Variants in DIPK1A observed in about 807,000 individuals in gnomAD.
The protein encoded by DIPK1A is divergent protein kinase domain 1A, also known as family with sequence similarity 69 member A.
In DIPK1A, 27 loss-of-function variants were observed where a neutral mutation model predicts 40.8. That is an observed-to-expected ratio of 0.66 (90% CI 0.49 to 0.91). DIPK1A has a LOEUF of 0.91. Ranked by LOEUF, DIPK1A falls within the 40% of genes least tolerant of loss-of-function variation. DIPK1A has a pLI of 0.00. For missense variants in DIPK1A, 412 were observed against 505.7 expected (o/e 0.81, Z 1.78); for synonymous variants, 166 against 171.3 (o/e 0.97, Z 0.24).
At position 92,843,283 on chromosome 1, in the gene DIPK1A, T is replaced by C. The variant is rs1040978846; in HGVS notation, c.*100A>G. 24 of 1,453,328 alleles carry C rather than the reference T, an allele frequency of 1.7e-5. No individual in the cohort carries two copies. In the Middle Eastern group the frequency reaches 7.6e-4, roughly 46 times the overall value. The allele number at this position is 1,453,328 out of a possible 1,614,324, so 90.0% of individuals were successfully genotyped here. On this transcript the variant is annotated 3_prime_UTR_variant, in exon 5 of 5. Transcript: ENST00000370310. ...TTCTCAGGCCTGGGGGGAAGGAGTT[T>C]TGTGTAACTGGCCGGAATTTGAAGC... is the stretch of plus-strand genomic sequence containing the variant.
chr1:92,938,248 T>C (rs1055838153), intron 1 of DIPK1A, among the ~76,000 whole-genome samples: 2 of 151,820 alleles, frequency 1.3e-5, no homozygotes, highest in African/African-American at 4.8e-5. Context: ...CCAGAAGAAT[T>C]AGCCAGGCAT....
chr1:92,846,846 T>TATATATATATATATATATACACACAC, intron 4 of DIPK1A, among the ~76,000 whole-genome samples: 20 of 1,282 alleles, frequency 0.016, 6 homozygotes, highest in African/African-American at 0.11. Flanking sequence ...TATATATGTG[T>TATATATATATATATATATACACACAC]GTATATATAT....
At position 92,843,652 on chromosome 1, in the gene DIPK1A, C is replaced by A. The variant is rs1687468745; in HGVS notation, c.1018G>T (p.Gly340Cys). ...TCACAGCTAGTTCTACAATCTGTGC[C>A]ATAGACACAGTCCAAATCAGACTCA... The part of the protein sequence containing the change: ...HCESDLDCVY[G>C]TDCRTSCDQS... The change falls in exon 5 of 5, where the codon GGC becomes TGC. Residue 340 changes from glycine to cysteine, a missense_variant. Gly to Cys is a radical substitution (Grantham distance 159, BLOSUM62 -3). Coordinates refer to ENST00000370310, the MANE Select transcript of DIPK1A (RefSeq NM_001006605.5). The A allele has an allele frequency of 6.4e-7, 1 of 1,551,706 alleles. No individual in the cohort carries two copies. Among genetic ancestry groups the A allele is most frequent in the Non-Finnish European group, 8.7e-7 (1 of 1,146,992 alleles).
intron 1 of DIPK1A, among the ~76,000 whole-genome samples, chr1:92,949,357 C>T (rs961325235): frequency 1.3e-5 from 2 of 152,056 alleles, no homozygotes; most frequent in Admixed American, 6.5e-5. Flanking sequence ...TCACTGCAAC[C>T]TCCACCTCCC....
chr1:92,862,954 C>T lies in DIPK1A; in HGVS notation c.190-11999G>A, dbSNP rs535596276. ...CTGGGACCTTCTTCATTAGGGTTGC[C>T]GAGCAAAATACTGCTTAGGATACAC... On this transcript the variant is annotated intron_variant, in intron 2 of 4. Coordinates refer to ENST00000370310, the MANE Select transcript of DIPK1A (RefSeq NM_001006605.5). Among the ~76,000 whole-genome samples, 51 of 152,120 alleles carry T rather than the reference C, an allele frequency of 3.4e-4. 1 individual carries two copies. In the South Asian group the frequency reaches 4.4e-3, roughly 13 times the overall value.
chr1:92,875,306 A>G (rs1648066772), intron 2 of DIPK1A, among the ~76,000 whole-genome samples: 1 of 152,144 alleles, frequency 6.6e-6, no homozygotes, highest in Non-Finnish European at 1.5e-5. Flanking sequence ...CTGGGTAAAG[A>G]GTAGCTACTC....
intron 1 of DIPK1A, among the ~76,000 whole-genome samples, chr1:92,900,408 A>G (rs1225382131): frequency 5.9e-5 from 9 of 151,670 alleles, no homozygotes; most frequent in Non-Finnish European, 1.0e-4. Context: ...TCTCTAACAT[A>G]TTTATTTCAT....
intron 1 of DIPK1A, among the ~76,000 whole-genome samples, chr1:92,905,026 G>A (rs529460221): frequency 1.3e-5 from 2 of 152,118 alleles, no homozygotes; most frequent in South Asian, 4.2e-4. Context: ...TTGTGTATAT[G>A]TACCACATTT....
At chr1:92,841,373 A>G (rs763029693), downstream of DIPK1A, among the ~76,000 whole-genome samples, 2 of 152,228 alleles carry the variant, frequency 1.3e-5, no homozygotes, top group East Asian at 3.8e-4. Flanking sequence ...AGACTGGGTA[A>G]TAATCCATTA....
intron 1 of DIPK1A, among the ~76,000 whole-genome samples, chr1:92,878,992 G>A (rs1449084255): frequency 1.3e-5 from 2 of 152,038 alleles, no homozygotes; most frequent in Non-Finnish European, 2.9e-5. Context: ...GGGTGACAGA[G>A]CAAGACTCCA....
intron 1 of DIPK1A, among the ~76,000 whole-genome samples, chr1:92,880,154 A>C: frequency 6.6e-6 from 1 of 152,218 alleles, no homozygotes; most frequent in East Asian, 1.9e-4. Flanking sequence ...GTAGCCCCCC[A>C]CAGCAAAGCA....
intron 1 of DIPK1A, among the ~76,000 whole-genome samples, chr1:92,922,762 T>TA (rs1273467007): frequency 3.3e-5 from 5 of 152,240 alleles, no homozygotes; most frequent in Admixed American, 1.3e-4. Flanking sequence ...AACCCTGGCA[T>TA]ACATGAATGT....
chr1:92,961,379 G>C lies in DIPK1A; in HGVS notation c.51C>G (p.Leu17=). Residue 17 remains leucine (L), a synonymous_variant, in exon 1 of 5, where the codon CTC becomes CTG. Transcript: ENST00000370310. ...PGAWLRKPYY[L]QARFSYVRMK... ...GGCTGGGCGGCCGCCGGCCTACCTG[G>C]AGGTAATAGGGTTTCCTTAGCCAGG... The C allele has an allele frequency of 1.3e-6, 2 of 1,523,618 alleles. No individual in the cohort carries two copies. Among genetic ancestry groups the C allele is most frequent in the Admixed American group, 1.9e-5 (1 of 52,834 alleles). The allele number at this position is 1,523,618 out of a possible 1,614,324, so 94.4% of individuals were successfully genotyped here.
chr1:92,854,176 T>C (rs965913929), intron 2 of DIPK1A, among the ~76,000 whole-genome samples: 1 of 152,210 alleles, frequency 6.6e-6, no homozygotes, highest in African/African-American at 2.4e-5. Context: ...CATGAGCCAC[T>C]GTGCCTGCCA....
chr1:92,918,245 G>A (rs937474793), intron 1 of DIPK1A, among the ~76,000 whole-genome samples: 1 of 152,070 alleles, frequency 6.6e-6, no homozygotes, highest in Non-Finnish European at 1.5e-5. Context: ...CACCTTCCAG[G>A]TTCAAGCAAT....
Position 92,842,369 on chromosome 1 carries a change from G to GT in DIPK1A, c.*1013dup, listed in dbSNP as rs1410013275. ...ATAGTGGTTCTTTTCTCCAAAAGGT[G>GT]TTTAATTTTATGGAGATGTTGAAAG... On this transcript the variant is annotated 3_prime_UTR_variant, in exon 5 of 5. Coordinates refer to ENST00000370310, the MANE Select transcript of DIPK1A (RefSeq NM_001006605.5). 1.9e-5 allele frequency: 19 copies of GT among 984,772 alleles called. No individual in the cohort carries two copies. Among genetic ancestry groups the GT allele is most frequent in the Non-Finnish European group, 2.0e-5 (17 of 829,438 alleles). 61.0% of individuals were successfully genotyped at this position (984,772 alleles called of 1,614,324 possible). A position where few individuals can be genotyped will look rare whatever the true frequency, so the allele number is the denominator to read the frequency against.
intron 1 of DIPK1A, among the ~76,000 whole-genome samples, chr1:92,884,938 AG>A (rs1410231473): frequency 5.9e-5 from 9 of 152,192 alleles, no homozygotes; most frequent in Admixed American, 3.3e-4. Context: ...ATTACTGTAA[AG>A]GGTTTTAAAA....
intron 1 of DIPK1A, among the ~76,000 whole-genome samples, chr1:92,959,902 A>ATTTTTTTTTTT (rs1557502636): frequency 0.011 from 474 of 43,054 alleles, 26 homozygotes; most frequent in Non-Finnish European, 0.013. Flanking sequence ...CACCCAACCA[A>ATTTTTTTTTTT]CTTTTTTTTT....
At position 92,843,723 on chromosome 1, in the gene DIPK1A, A is replaced by G. The variant is rs761775058; in HGVS notation, c.947T>C (p.Ile316Thr). ...YDLKMVDMRK[I>T]VPETNLKELI... ...TTCTTTCAGGTTTGTCTCTGGCACAATTTTTCTCATATCCACCATTTTCAA... is the reference window on the plus strand; with the variant it reads ...TTCTTTCAGGTTTGTCTCTGGCACAGTTTTTCTCATATCCACCATTTTCAA... Residue 316 changes from isoleucine (I) to threonine (T), a missense_variant, in exon 5 of 5, where the codon ATT becomes ACT. Physicochemically the swap from Ile to Thr is moderately conservative, Grantham distance 89 (BLOSUM62 -1). Transcript: ENST00000370310. 9 of 1,551,514 alleles carry G rather than the reference A, an allele frequency of 5.8e-6. No homozygotes were observed. Among genetic ancestry groups the G allele is most frequent in the Admixed American group, 3.9e-5 (2 of 50,962 alleles).
Sources: allele counts gnomAD v4.1 joint callset (sites outside exome capture counted in the v4.1 genomes callset), GRCh38; gene constraint gnomAD v4.1.1; transcripts MANE v1.5; gene names NCBI Gene and HGNC (gene_info 2026-07-23, HGNC 2026-07-21).